Variants in PDE1A observed in about 807,000 individuals in gnomAD.
The protein encoded by PDE1A is dual specificity calcium/calmodulin-dependent 3',5'-cyclic nucleotide phosphodiesterase 1A.
Under a neutral mutation model 61.7 loss-of-function variants are expected in PDE1A, and 35 were observed. That is an observed-to-expected ratio of 0.57 (90% CI 0.43 to 0.75). The LOEUF (loss-of-function observed/expected upper bound fraction) is 0.75, where lower values mean the gene tolerates loss of function less well. PDE1A is among the 30% of genes least tolerant of loss of function. The pLI, the probability that PDE1A is intolerant of heterozygous loss-of-function variation, is 0.00. For synonymous variants in PDE1A, 232 were observed against 213.2 expected, an observed-to-expected ratio of 1.09 and a Z score of -0.77; for missense variants, 597 against 630.6, an observed-to-expected ratio of 0.95 and a Z score of 0.57.
At chr2:182,665,268 CTA>C in the PDE1A span, among the ~76,000 whole-genome samples, 3 of 152,022 alleles carry the variant, frequency 2.0e-5, no homozygotes, top group Admixed American at 2.0e-4. Flanking sequence ...GCAAAAGAAA[CTA>C]TCATCATAGT....
chr2:182,588,810 G>A, the PDE1A span, among the ~76,000 whole-genome samples: 3 of 152,006 alleles, frequency 2.0e-5, no homozygotes, highest in African/African-American at 2.4e-5. Context: ...TTGGGAGGCC[G>A]AGGCAGGCGG....
chr2:182,406,468 C>T (rs1243695611), intron 1 of PDE1A, among the ~76,000 whole-genome samples: 2 of 152,022 alleles, frequency 1.3e-5, no homozygotes, highest in East Asian at 1.9e-4. Flanking sequence ...TCTGTTCTTT[C>T]ATTCAGCAAG....
chr2:182,582,527 A>C, the PDE1A span, among the ~76,000 whole-genome samples: 3 of 152,248 alleles, frequency 2.0e-5, no homozygotes, highest in South Asian at 6.2e-4. Flanking sequence ...TGAAACACTA[A>C]GACTTGATCA....
At chr2:182,685,353 G>A in the PDE1A span, among the ~76,000 whole-genome samples, 2 of 152,060 alleles carry the variant, frequency 1.3e-5, no homozygotes, top group Non-Finnish European at 2.9e-5. Flanking sequence ...AGCTAATGAT[G>A]TATTTGTATG....
intron 13 of PDE1A, among the ~76,000 whole-genome samples, chr2:182,182,336 T>A (rs892714084): frequency 6.6e-6 from 1 of 152,170 alleles, no homozygotes; most frequent in Non-Finnish European, 1.5e-5. Context: ...TATCTGTATA[T>A]CCAGAATCCA....
chr2:182,651,769 T>A, the PDE1A span, among the ~76,000 whole-genome samples: 1 of 152,188 alleles, frequency 6.6e-6, no homozygotes, highest in South Asian at 2.1e-4. Flanking sequence ...TGCATTAACA[T>A]ACACTGATTA....
At chr2:182,376,284 C>T (rs1700399814) in intron 1 of PDE1A, among the ~76,000 whole-genome samples, 2 of 152,186 alleles carry the variant, frequency 1.3e-5, no homozygotes, top group South Asian at 4.1e-4. Flanking sequence ...ATGCCTTTAA[C>T]AGCACCCAAG....
intron 1 of PDE1A, among the ~76,000 whole-genome samples, chr2:182,366,564 A>G (rs1485290382): frequency 6.6e-6 from 1 of 152,108 alleles, no homozygotes; most frequent in East Asian, 1.9e-4. Context: ...TTAAATATTC[A>G]TAAAATTTTG....
intron 8 of PDE1A, among the ~76,000 whole-genome samples, chr2:182,204,284 C>T (rs1559179845): frequency 2.0e-5 from 3 of 152,202 alleles, no homozygotes; most frequent in African/African-American, 2.4e-5. Flanking sequence ...CCCATCTAAT[C>T]GCTACATAGC....
chr2:182,334,851 T>G (rs955959593), intron 1 of PDE1A, among the ~76,000 whole-genome samples: 1 of 152,186 alleles, frequency 6.6e-6, no homozygotes, highest in Non-Finnish European at 1.5e-5. Context: ...TGTTTGCAGA[T>G]GACATGACTG....
At chr2:182,226,365 A>G (rs778188176) in intron 6 of PDE1A, among the ~76,000 whole-genome samples, 10 of 149,798 alleles carry the variant, frequency 6.7e-5, no homozygotes, top group Non-Finnish European at 1.3e-4. Flanking sequence ...CCTCCCATAA[A>G]TAGTACTTTC....
intron 1 of PDE1A, among the ~76,000 whole-genome samples, chr2:182,390,478 G>C (rs778786812): frequency 2.6e-5 from 4 of 152,144 alleles, no homozygotes; most frequent in Non-Finnish European, 5.9e-5. Flanking sequence ...TAATGAAGTT[G>C]GTTGCTCCTA....
At chr2:182,669,303 C>A in the PDE1A span, among the ~76,000 whole-genome samples, 1 of 152,108 alleles carries the variant, frequency 6.6e-6, no homozygotes, top group Non-Finnish European at 1.5e-5. Flanking sequence ...AATACAATAG[C>A]CCAGTAGGGT....
chr2:182,552,160 T>G, the PDE1A span, among the ~76,000 whole-genome samples: 1 of 152,302 alleles, frequency 6.6e-6, no homozygotes, highest in South Asian at 2.1e-4. Flanking sequence ...TCCCATTACC[T>G]CTCCAATAAG....
the PDE1A span, among the ~76,000 whole-genome samples, chr2:182,551,241 G>T: frequency 6.6e-6 from 1 of 152,158 alleles, no homozygotes; most frequent in African/African-American, 2.4e-5. Flanking sequence ...GCTATAGGTG[G>T]CTGTGGCAGG....
intron 2 of PDE1A, among the ~76,000 whole-genome samples, chr2:182,507,801 C>T (rs1344665859): frequency 2.0e-5 from 3 of 151,998 alleles, no homozygotes; most frequent in Admixed American, 6.6e-5. Flanking sequence ...CTTGTTCATA[C>T]TGCAACCAGT....
At chr2:182,578,720 A>C in the PDE1A span, among the ~76,000 whole-genome samples, 1 of 152,224 alleles carries the variant, frequency 6.6e-6, no homozygotes, top group Non-Finnish European at 1.5e-5. Flanking sequence ...ACTCCATGCA[A>C]ACAGTAAGTT....
At chr2:182,383,089 T>C (rs766363363) in intron 1 of PDE1A, among the ~76,000 whole-genome samples, 4 of 152,132 alleles carry the variant, frequency 2.6e-5, no homozygotes, top group Non-Finnish European at 5.9e-5. Flanking sequence ...ATTAATCCCA[T>C]TCTCCAAGAC....
At position 182,197,339 on chromosome 2, in the gene PDE1A, C is replaced by T. The variant is rs1686215398; in HGVS notation, c.1125+4100G>A. Reference sequence around the variant, plus strand: ...CAGATATTTGTAGTACAAATATTTTCTCTCAGTCTATGGTTTGCATTTTCT... The same window carrying T: ...CAGATATTTGTAGTACAAATATTTTTTCTCAGTCTATGGTTTGCATTTTCT... On this transcript the variant is annotated intron_variant, in intron 10 of 13. Coordinates refer to ENST00000351439, the Ensembl canonical transcript of PDE1A. Among the ~76,000 whole-genome samples, 3 of 149,430 alleles carry T rather than the reference C, an allele frequency of 2.0e-5. No individual in the cohort carries two copies. In the South Asian group the frequency reaches 6.4e-4, roughly 32 times the overall value.
Sources: gnomAD v4.1 joint callset for allele counts (sites outside exome capture counted in the v4.1 genomes callset) on GRCh38, gnomAD v4.1.1 for gene constraint, MANE v1.5 for transcripts, NCBI Gene and HGNC (gene_info 2026-07-23, HGNC 2026-07-21) for gene names.